The following TOGARAM2 variants were observed in gnomAD, a reference collection of about 807,000 sequenced individuals.
TOGARAM2 encodes the protein TOG array regulator of axonemal microtubules 2.
A neutral mutation model predicts 93.3 loss-of-function variants in TOGARAM2; 85 were observed. The observed-to-expected ratio is 0.91, with a 90% CI of 0.76 to 1.09. TOGARAM2 has a LOEUF of 1.09. TOGARAM2 is among the 50% of genes least tolerant of loss of function. TOGARAM2 has a pLI of 0.00. For synonymous variants in TOGARAM2, 593 were observed against 552.8 expected (o/e 1.07, Z -1.02); for missense variants, 1,277 against 1,334.5 (o/e 0.96, Z 0.67).
At chr2:29,041,926 A>G (rs896969210) in intron 18 of TOGARAM2, among the ~76,000 whole-genome samples, 11 of 152,246 alleles carry the variant, frequency 7.2e-5, no homozygotes, top group Non-Finnish European at 1.5e-4. Flanking sequence ...TAGTAATTAT[A>G]TGCTGTAGGC....
At chr2:28,976,366 A>T (rs1449262133), upstream of TOGARAM2, among the ~76,000 whole-genome samples, 1 of 152,098 alleles carries the variant, frequency 6.6e-6, no homozygotes, top group Non-Finnish European at 1.5e-5. Context: ...GTGAGACTCC[A>T]TCTCAAAAAC....
chr2:28,965,444 T>G (rs1345353826), intron 1 of TOGARAM2, among the ~76,000 whole-genome samples: 2 of 152,222 alleles, frequency 1.3e-5, no homozygotes, highest in Non-Finnish European at 2.9e-5. Flanking sequence ...GTTGTTTTAG[T>G]GATGGCTCTG....
chr2:28,957,543 T>C (rs1411416795), intron 1 of TOGARAM2, among the ~76,000 whole-genome samples: 1 of 152,210 alleles, frequency 6.6e-6, no homozygotes, highest in Non-Finnish European at 1.5e-5. Context: ...ATGATAGTAA[T>C]ACAATGATGA....
Position 29,022,065 on chromosome 2 carries a change from C to T in TOGARAM2, c.1361-93C>T, listed in dbSNP as rs772512008. 864 of 1,543,958 alleles carry T rather than the reference C, an allele frequency of 5.6e-4. 1 individual carries two copies. The highest frequency in any genetic ancestry group is 1.3e-3 in the Middle Eastern group (6 of 4,478). On this transcript the variant is annotated intron_variant, in intron 10 of 19. Coordinates refer to ENST00000379558, the MANE Select transcript of TOGARAM2 (RefSeq NM_199280.4). ...GTTAGGTGGGCTCAGGGTGGTGGCA[C>T]GGCCTCCCATGGTGAGCGGTGGCAG... is the stretch of plus-strand genomic sequence containing the variant.
At chr2:28,990,877 G>T (rs559187405) in intron 1 of TOGARAM2, among the ~76,000 whole-genome samples, 9 of 152,028 alleles carry the variant, frequency 5.9e-5, no homozygotes, top group African/African-American at 2.2e-4. Flanking sequence ...TGTCTCCTCC[G>T]CATGAGAGGC....
intron 7 of TOGARAM2, among the ~76,000 whole-genome samples, chr2:29,013,028 A>C (rs1260689266): frequency 1.3e-5 from 2 of 152,234 alleles, no homozygotes; most frequent in African/African-American, 4.8e-5. Context: ...CACGGGCCCC[A>C]GAGGTAAGAT....
chr2:28,985,018 G>A (rs912952779), intron 1 of TOGARAM2, among the ~76,000 whole-genome samples: 5 of 152,204 alleles, frequency 3.3e-5, no homozygotes, highest in African/African-American at 1.2e-4. Flanking sequence ...ATGGCCTTAT[G>A]TAGGTGTTAT....
At chr2:28,991,136 C>A (rs1672716147) in intron 1 of TOGARAM2, among the ~76,000 whole-genome samples, 1 of 151,868 alleles carries the variant, frequency 6.6e-6, no homozygotes, top group African/African-American at 2.4e-5. Flanking sequence ...AACATTACTT[C>A]ATTTATTCCT....
chr2:28,978,312 A>C (rs1672066639), upstream of TOGARAM2, among the ~76,000 whole-genome samples: 1 of 138,204 alleles, frequency 7.2e-6, no homozygotes, highest in Non-Finnish European at 1.6e-5. Context: ...TGACAGCTAC[A>C]TCCCAGAGCA....
intron 1 of TOGARAM2, among the ~76,000 whole-genome samples, chr2:28,987,262 C>T (rs965129623): frequency 2.0e-5 from 3 of 152,210 alleles, no homozygotes; most frequent in Non-Finnish European, 4.4e-5. Flanking sequence ...CACTTAGGTT[C>T]TTCTCAATAA....
chr2:28,999,407 C>T lies in TOGARAM2; in HGVS notation c.366C>T (p.Ile122=), dbSNP rs1264892017. 6.2e-6 allele frequency: 10 copies of T among 1,613,216 alleles called. No homozygotes were observed. Among genetic ancestry groups the T allele is most frequent in the Non-Finnish European group, 8.5e-6 (10 of 1,179,662 alleles). The change falls in exon 4 of 20, where the codon ATC becomes ATT. Residue 122 remains isoleucine (I), a synonymous_variant. Transcript: ENST00000379558. ...CCAACAGCGTGGCCAGGGACACCAT[C>T]CAGATTAAGGACAAGCTCAAGAAAA... is the stretch of plus-strand genomic sequence containing the variant. ...SEANSVARDT[I]QIKDKLKKRR...
At chr2:29,040,375 A>C (rs1306276235) in intron 18 of TOGARAM2, among the ~76,000 whole-genome samples, 1 of 152,126 alleles carries the variant, frequency 6.6e-6, no homozygotes, top group Non-Finnish European at 1.5e-5. Flanking sequence ...AAAATCCCTC[A>C]CTCATAGTCC....
At chr2:28,990,630 C>T (rs911173499) in intron 1 of TOGARAM2, among the ~76,000 whole-genome samples, 6 of 152,206 alleles carry the variant, frequency 3.9e-5, no homozygotes, top group South Asian at 4.1e-4. Context: ...AGGCCCAGCA[C>T]GGATGCTGCT....
At chr2:29,045,203 A>C (rs1213570016) in intron 18 of TOGARAM2, 121 bp from the exon 19 acceptor site, 1 of 728,634 alleles carries the variant, frequency 1.4e-6, no homozygotes. Context: ...GGAAAAATTA[A>C]TTCAGCTCCC....
chr2:28,988,509 G>A (rs1228285147), intron 1 of TOGARAM2, among the ~76,000 whole-genome samples: 2 of 152,030 alleles, frequency 1.3e-5, no homozygotes, highest in Non-Finnish European at 2.9e-5. Context: ...CGCTCCATCA[G>A]CTCCCCTCCC....
intron 6 of TOGARAM2, among the ~76,000 whole-genome samples, chr2:29,008,454 T>TA (rs1401991032): frequency 2.0e-5 from 3 of 150,938 alleles, no homozygotes; most frequent in Non-Finnish European, 3.0e-5. Context: ...CCCAGCCAAT[T>TA]AAAAATATAT....
intron 6 of TOGARAM2, among the ~76,000 whole-genome samples, chr2:29,006,355 A>AGTGCATGTGT (rs1305048672): frequency 8.9e-6 from 1 of 112,988 alleles, no homozygotes; most frequent in African/African-American, 4.3e-5. Context: ...TGTATGTGTG[A>AGTGCATGTGT]GTGCATGTGT....
At chr2:29,003,768 C>G in intron 6 of TOGARAM2, 86 bp downstream of exon 6, 1 of 1,243,336 alleles carries the variant, frequency 8.0e-7, no homozygotes, top group Non-Finnish European at 1.1e-6. Context: ...GGCTGACCCT[C>G]CATGCTGTGG....
intron 4 of TOGARAM2, 37 bp from the exon 5 acceptor site, chr2:29,002,499 T>G (rs1673357589): frequency 1.3e-6 from 2 of 1,583,608 alleles, no homozygotes; most frequent in Non-Finnish European, 1.7e-6. Flanking sequence ...CCTGTTCTTC[T>G]GGGACTAACT....
Sources: gnomAD v4.1 joint callset for allele counts (sites outside exome capture counted in the v4.1 genomes callset) on GRCh38, gnomAD v4.1.1 for gene constraint, MANE v1.5 for transcripts, NCBI Gene and HGNC (gene_info 2026-07-23, HGNC 2026-07-21) for gene names.